ANGEL2: variants seen among roughly 807,000 people sequenced by gnomAD.
ANGEL2 encodes the protein RNA 2',3'-cyclic phosphatase ANGEL2.
A neutral mutation model predicts 66.0 loss-of-function variants in ANGEL2; 41 were observed. That is an observed-to-expected ratio of 0.62 (90% CI 0.48 to 0.81). ANGEL2 has a LOEUF of 0.81. ANGEL2 is among the 30% of genes least tolerant of loss of function. ANGEL2 has a pLI of 0.00. For missense variants in ANGEL2, 561 were observed against 641.6 expected, an observed-to-expected ratio of 0.87 and a Z score of 1.36; for synonymous variants, 208 against 226.5, an observed-to-expected ratio of 0.92 and a Z score of 0.73.
intron 7 of ANGEL2, among the ~76,000 whole-genome samples, chr1:212,997,534 A>C (rs1393202462): frequency 1.3e-5 from 2 of 152,350 alleles, no homozygotes; most frequent in Non-Finnish European, 1.5e-5. Flanking sequence ...TTTTAAAAAA[A>C]GCTCAATAAT....
At position 213,006,369 on chromosome 1, in the gene ANGEL2, CAGG is replaced by C. The variant is rs1462561470; in HGVS notation, c.712+757_712+759del. 2.0e-5 allele frequency among the ~76,000 whole-genome samples: 3 copies of C among 149,496 alleles called. No homozygotes were observed. The South Asian group carries it at 6.3e-4, about 31-fold the overall frequency. On this transcript the variant is annotated intron_variant, in intron 4 of 8. Coordinates refer to ENST00000366962, the MANE Select transcript of ANGEL2 (RefSeq NM_144567.5). Reference sequence around the variant, plus strand: ...GTCCCAGCTACTAGGGAGCCTGAGGCAGGAGAATGGCGTGAACCTGGGAGGTGG... The same window carrying C: ...GTCCCAGCTACTAGGGAGCCTGAGGCAGAATGGCGTGAACCTGGGAGGTGG...
chr1:213,013,830 T>C (rs537565409), intron 1 of ANGEL2, among the ~76,000 whole-genome samples: 10 of 152,312 alleles, frequency 6.6e-5, no homozygotes, highest in African/African-American at 2.4e-4. Flanking sequence ...ACACTACAAT[T>C]AAAGTAAACC....
At position 213,014,197 on chromosome 1, in the gene ANGEL2, A is replaced by C. The variant is rs371368944; in HGVS notation, c.60-779T>G. On this transcript the variant is annotated intron_variant, in intron 1 of 8. Coordinates refer to ENST00000366962, the MANE Select transcript of ANGEL2 (RefSeq NM_144567.5). ...AAGAAACACTTCAGCTTAATAAAGC[A>C]CCATGTTCCTCTCACTATACTACTT... 2.6e-4 allele frequency among the ~76,000 whole-genome samples: 39 copies of C among 152,330 alleles called. No individual in the cohort carries two copies. The South Asian group carries it at 6.4e-3, about 25-fold the overall frequency.
At position 212,994,867 on chromosome 1, in the gene ANGEL2, T is replaced by TA. The variant is rs926867457; in HGVS notation, c.*173dup. The TA allele has an allele frequency of 3.0e-5, 14 of 468,200 alleles. No individual in the cohort carries two copies. Among genetic ancestry groups the TA allele is most frequent in the Admixed American group, 4.4e-5 (1 of 22,548 alleles). The allele number at this position is 468,200 out of a possible 1,614,324, so 29.0% of individuals were successfully genotyped here. A position where few individuals can be genotyped will look rare whatever the true frequency, so the allele number is the denominator to read the frequency against. ...TTGTCACGAAAATATTTTTCATTAT[T>TA]AAAAAAAATTGTTATAAAGTTATTT... is the stretch of plus-strand genomic sequence containing the variant. On this transcript the variant is annotated 3_prime_UTR_variant, in exon 9 of 9. Transcript: ENST00000366962.
At chr1:212,997,037 T>C (rs1299022258) in intron 8 of ANGEL2, 118 bp downstream of exon 8, 2 of 944,754 alleles carry the variant, frequency 2.1e-6, no homozygotes, top group East Asian at 2.4e-5. Context: ...TTTCGAAATA[T>C]TTTTACCTTC....
chr1:212,996,546 CG>C (rs1358043639), intron 8 of ANGEL2, among the ~76,000 whole-genome samples: 15 of 144,438 alleles, frequency 1.0e-4, no homozygotes, highest in Non-Finnish European at 1.8e-4. Flanking sequence ...CACTTGAACC[CG>C]GGAGACAGAG....
At chr1:212,996,289 G>A (rs1005282282) in intron 8 of ANGEL2, among the ~76,000 whole-genome samples, 9 of 151,222 alleles carry the variant, frequency 6.0e-5, no homozygotes, top group African/African-American at 1.5e-4. Flanking sequence ...CCTGGGCGAC[G>A]AGCGAGACTC....
chr1:213,007,779 C>T (rs893795475), intron 3 of ANGEL2, among the ~76,000 whole-genome samples: 1 of 152,110 alleles, frequency 6.6e-6, no homozygotes, highest in African/African-American at 2.4e-5. Flanking sequence ...AAACATATTC[C>T]TTTCTTACCC....
At position 213,011,483 on chromosome 1, in the gene ANGEL2, G is replaced by T. The variant is rs149441091; in HGVS notation, c.385+1610C>A. ...CCTAGGAAGAATGGACATATAGAAAGTCAGGTTGTAATCAAGCTTTATCAG... is the reference window on the plus strand; with the variant it reads ...CCTAGGAAGAATGGACATATAGAAATTCAGGTTGTAATCAAGCTTTATCAG... On this transcript the variant is annotated intron_variant, in intron 2 of 8. Coordinates refer to ENST00000366962, the MANE Select transcript of ANGEL2 (RefSeq NM_144567.5). 2.7e-3 allele frequency: 2,988 copies of T among 1,088,050 alleles called. 5 individuals are homozygous for T. Among genetic ancestry groups the T allele is most frequent in the Admixed American group, 3.2e-3 (65 of 20,098 alleles). 67.4% of individuals were successfully genotyped at this position (1,088,050 alleles called of 1,614,324 possible).
In ANGEL2 at chr1:213,015,014, C is replaced by A. The variant is rs993261426; in HGVS notation, c.59+599G>T. 9 of 590,798 alleles carry A rather than the reference C, an allele frequency of 1.5e-5. No homozygotes were observed. In the African/African-American group the frequency reaches 1.6e-4, roughly 11 times the overall value. The allele number at this position is 590,798 out of a possible 1,614,324, so 36.6% of individuals were successfully genotyped here. On this transcript the variant is annotated intron_variant, in intron 1 of 8. Coordinates refer to ENST00000366962, the MANE Select transcript of ANGEL2 (RefSeq NM_144567.5). ...TAGGGTGAAGCTAATGTGGGCAGCA[C>A]CTACTGAAGTGCTTTTTAAAAAAAA...
intron 8 of ANGEL2, among the ~76,000 whole-genome samples, chr1:212,996,355 T>C (rs1393712307): frequency 6.6e-6 from 1 of 151,254 alleles, no homozygotes; most frequent in Non-Finnish European, 1.5e-5. Flanking sequence ...CCGAATGTGG[T>C]GGCTCATGCC....
chr1:213,007,229 C>T, intron 3 of ANGEL2, 31 bp from the exon 4 acceptor site: 1 of 1,454,688 alleles, frequency 6.9e-7, no homozygotes, highest in East Asian at 2.5e-5. Flanking sequence ...TGAATTAGAA[C>T]ACAGAGATGC....
intron 2 of ANGEL2, chr1:213,011,421 T>C (rs1397051102): frequency 3.5e-6 from 4 of 1,131,444 alleles, no homozygotes; most frequent in Non-Finnish European, 4.4e-6. Flanking sequence ...AAGTCACAAA[T>C]ATGGCTTAAC....
rs779665981 is a variant in ANGEL2, at chr1:213,005,252, G to C, written c.915C>G (p.Cys305Trp). Residue 305 changes from cysteine (C) to tryptophan (W), a missense_variant, in exon 5 of 9, where the codon TGC becomes TGG. Physicochemically the swap from Cys to Trp is radical, Grantham distance 215. Transcript: ENST00000366962. ...TATACAACAGATGCGTATTTGCTAC[G>C]CAGATTGCAGGGCAGGCAGCATATG... ...KIPYAACPAI[C>W]VANTHLLYNP... The C allele has an allele frequency of 6.2e-7, 1 of 1,614,088 alleles. No homozygotes were observed. The highest frequency in any genetic ancestry group is 1.3e-5 in the African/African-American group (1 of 74,918).
chr1:213,006,981 C>T (rs772398397), intron 4 of ANGEL2, 148 bp downstream of exon 4: 14 of 638,376 alleles, frequency 2.2e-5, no homozygotes, highest in Non-Finnish European at 3.7e-5. Context: ...CTAGTCCCAG[C>T]TACTCAGGAA....
chr1:213,015,858 G>C lies in ANGEL2; in HGVS notation c.-187C>G. ...CTACACTCCATCTTGCGCAGTCAGAGTCCCTGAATGCCTTAACCCGGAATT... is the reference window on the plus strand; with the variant it reads ...CTACACTCCATCTTGCGCAGTCAGACTCCCTGAATGCCTTAACCCGGAATT... On this transcript the variant is annotated 5_prime_UTR_variant, in exon 1 of 9. Transcript: ENST00000366962. The C allele has an allele frequency of 1.5e-6, 1 of 668,976 alleles. No homozygotes were observed. The highest frequency in any genetic ancestry group is 1.9e-5 in the South Asian group (1 of 51,438). 41.4% of individuals were successfully genotyped at this position (668,976 alleles called of 1,614,324 possible).
In ANGEL2 at chr1:213,013,270, T is replaced by G; in HGVS notation, c.208A>C (p.Ser70Arg). The change falls in exon 2 of 9, where the codon AGT (serine) becomes CGT (arginine). Residue 70 changes from serine to arginine, a missense_variant. Transcript: ENST00000366962. ...HYSRAPYPYF[S>R]SRHFSLNWRP... ...CAATTTAGTGAAAAATGCCTACTAC[T>G]GAAGTATGGGTAAGGAGCTCGAGAG... 6.2e-7 allele frequency: 1 copy of G among 1,614,120 alleles called. No homozygotes were observed. Among genetic ancestry groups the G allele is most frequent in the Non-Finnish European group, 8.5e-7 (1 of 1,180,006 alleles).
chr1:213,007,204 A>T lies in ANGEL2; in HGVS notation c.643-6T>A. ...ACTTCTTGCAAACAAAGTACCTTGG[A>T]AGAAAAAAATAGCTTGAATTAGAAC... is the stretch of plus-strand genomic sequence containing the variant. On this transcript the variant is annotated splice_region_variant and splice_polypyrimidine_tract_variant and intron_variant, in intron 3 of 8. Transcript: ENST00000366962. 1 of 1,558,032 alleles carries T rather than the reference A, an allele frequency of 6.4e-7. No individual in the cohort carries two copies. Among genetic ancestry groups the T allele is most frequent in the Non-Finnish European group, 8.6e-7 (1 of 1,158,934 alleles).
chr1:212,997,165 A>C lies in ANGEL2; in HGVS notation c.1473T>G (p.Ala491=), dbSNP rs959060858. ...ACATGCATTCCTTACCTGGGTGCCC[A>C]GCAACATCTTCCTTTTCTGCAGAGT... ...IFYSAEKEDV[A]GHPGAEVALV... Residue 491 remains alanine, a synonymous_variant, in exon 8 of 9, where the codon GCT becomes GCG. Transcript: ENST00000366962. 1.2e-6 allele frequency: 2 copies of C among 1,612,696 alleles called. No homozygotes were observed. Among genetic ancestry groups the C allele is most frequent in the African/African-American group, 2.7e-5 (2 of 74,918 alleles).
Sources: gnomAD v4.1 joint callset for allele counts (sites outside exome capture counted in the v4.1 genomes callset) on GRCh38, gnomAD v4.1.1 for gene constraint, MANE v1.5 for transcripts, NCBI Gene and HGNC (gene_info 2026-07-23, HGNC 2026-07-21) for gene names.